The following PIEZO1 variants were observed in gnomAD, a reference collection of about 807,000 sequenced individuals.
PIEZO1 encodes piezo type mechanosensitive ion channel component 1 (Er blood group).
PIEZO1 carries 296 observed loss-of-function variants against 297.2 expected under a neutral mutation model. The observed-to-expected ratio is 1.00, with a 90% CI of 0.91 to 1.10. PIEZO1 has a LOEUF of 1.10. PIEZO1 is among the 50% of genes least tolerant of loss of function. PIEZO1 has a pLI of 0.00. For missense variants in PIEZO1, 5,018 were observed against 3,455.5 expected (o/e 1.45, Z -11.34); for synonymous variants, 2,427 against 1,507.5 (o/e 1.61, Z -14.13).
chr16:88,741,325 G>A (rs559685926), intron 5 of PIEZO1, 153 bp downstream of exon 5: 3 of 677,898 alleles, frequency 4.4e-6, no homozygotes, highest in East Asian at 2.8e-5. Context: ...CTGGGCCCCG[G>A]GGTGGGATTT....
At chr16:88,739,457 G>A (rs940945155) in intron 5 of PIEZO1, 1 of 152,188 alleles carries the variant, frequency 6.6e-6, no homozygotes, top group African/African-American at 2.4e-5. Flanking sequence ...CACCGGCCCA[G>A]TGTCCCCATC....
intron 2 of PIEZO1, among the ~76,000 whole-genome samples, chr16:88,746,202 G>T (rs1233386244): frequency 6.6e-6 from 1 of 152,044 alleles, no homozygotes; most frequent in Non-Finnish European, 1.5e-5. Flanking sequence ...TGAGACAGAG[G>T]ATGGAGACTA....
intron 44 of PIEZO1, 152 bp downstream of exon 44, chr16:88,719,422 C>G (rs1438013669): frequency 1.5e-6 from 1 of 664,020 alleles, no homozygotes; most frequent in Non-Finnish European, 2.6e-6. Flanking sequence ...GCCTCGTGAT[C>G]AGCTAGTGGG....
At chr16:88,755,686 C>T (rs1464801991) in intron 1 of PIEZO1, among the ~76,000 whole-genome samples, 1 of 152,090 alleles carries the variant, frequency 6.6e-6, no homozygotes, top group Non-Finnish European at 1.5e-5. Context: ...CGCCTTTTCA[C>T]CGAACGGTGG....
chr16:88,747,893 G>A (rs901233837), intron 2 of PIEZO1, among the ~76,000 whole-genome samples: 3 of 152,188 alleles, frequency 2.0e-5, no homozygotes, highest in Admixed American at 1.3e-4. Context: ...GGAGGGAGGG[G>A]CCCCAAGCCC....
chr16:88,735,300 C>T, intron 12 of PIEZO1, 54 bp from the exon 13 acceptor site: 1 of 1,294,074 alleles, frequency 7.7e-7, no homozygotes, highest in Non-Finnish European at 1.1e-6. Context: ...ACCCCTCCCA[C>T]AGCCGGGGGA....
intron 1 of PIEZO1, among the ~76,000 whole-genome samples, chr16:88,776,577 G>A (rs1555513041): frequency 6.6e-6 from 1 of 152,174 alleles, no homozygotes; most frequent in Non-Finnish European, 1.5e-5. Context: ...AGGGGAGGAA[G>A]GGGAGAGGCT....
chr16:88,757,331 G>GCGGT (rs1369087134), intron 1 of PIEZO1, among the ~76,000 whole-genome samples: 3 of 117,318 alleles, frequency 2.6e-5, no homozygotes, highest in African/African-American at 1.3e-4. Flanking sequence ...GGGGGGTGGG[G>GCGGT]GGTAGTTACC....
At chr16:88,761,059 C>T (rs1321390611) in intron 1 of PIEZO1, among the ~76,000 whole-genome samples, 1 of 152,202 alleles carries the variant, frequency 6.6e-6, no homozygotes, top group African/African-American at 2.4e-5. Flanking sequence ...AGCCCGCAGC[C>T]CCTGGAGGGG....
At chr16:88,718,379 C>G (rs1486585424) in intron 44 of PIEZO1, 1 of 152,860 alleles carries the variant, frequency 6.5e-6, no homozygotes, top group East Asian at 1.9e-4. Context: ...CGTGCAGCCA[C>G]AGGACCAGGG....
intron 2 of PIEZO1, chr16:88,743,090 C>G (rs1458510159): frequency 2.2e-6 from 1 of 456,616 alleles, no homozygotes; most frequent in East Asian, 6.9e-5. Flanking sequence ...CAGGAAGCGG[C>G]AGCACCATCT....
At position 88,727,652 on chromosome 16, in the gene PIEZO1, C is replaced by T. The variant is rs1166021430; in HGVS notation, c.3206G>A (p.Trp1069Ter). ...MPPALCIDYPWRWSRAVPMNS... is the reference protein window; with the variant it reads ...MPPALCIDYP ...CATGGGGACGGCCCGGCTCCAGCGC[C>T]AGGGATAATCTGGGGGAAGGGGTGT... The change falls in exon 23 of 51, where the codon TGG becomes TAG. Residue 1069 changes from tryptophan (W) to a stop codon, truncating the protein, a stop_gained. Transcript: ENST00000301015. LOFTEE classifies it high-confidence loss of function. 5 of 1,464,626 alleles carry T rather than the reference C, an allele frequency of 3.4e-6. No homozygotes were observed. The Admixed American group carries it at 1.2e-4, about 35-fold the overall frequency. The allele number at this position is 1,464,626 out of a possible 1,614,324, so 90.7% of individuals were successfully genotyped here. A position where few individuals can be genotyped will look rare whatever the true frequency, so the allele number is the denominator to read the frequency against.
In PIEZO1 at chr16:88,738,722, C is replaced by T. The variant is rs537369862; in HGVS notation, c.480G>A (p.Arg160=). 4.6e-5 allele frequency: 70 copies of T among 1,531,542 alleles called. No homozygotes were observed. Among genetic ancestry groups the T allele is most frequent in the Non-Finnish European group, 5.7e-5 (65 of 1,143,546 alleles). 94.9% of individuals were successfully genotyped at this position (1,531,542 alleles called of 1,614,324 possible). A position where few individuals can be genotyped will look rare whatever the true frequency, so the allele number is the denominator to read the frequency against. ...PHPRELDDDE[R]DVDASPTAGL... is the part of the protein sequence containing the mutation. ...CTGCCGTCGGGCTGGCATCCACATC[C>T]CTCTCATCATCATCCTGCCAAGGTC... Residue 160 remains arginine, a synonymous_variant, in exon 6 of 51, where the codon AGG becomes AGA. Transcript: ENST00000301015.
At chr16:88,762,667 G>C (rs189501147) in intron 1 of PIEZO1, among the ~76,000 whole-genome samples, 2 of 152,328 alleles carry the variant, frequency 1.3e-5, no homozygotes, top group East Asian at 1.9e-4. Flanking sequence ...CAAGTGCTGT[G>C]TCGGCCCTGA....
At chr16:88,772,187 C>G (rs1907455759) in intron 1 of PIEZO1, among the ~76,000 whole-genome samples, 1 of 152,212 alleles carries the variant, frequency 6.6e-6, no homozygotes, top group Non-Finnish European at 1.5e-5. Flanking sequence ...AATGACCATC[C>G]CTGGTGCCAT....
At chr16:88,727,884 C>G (rs1597451549) in intron 22 of PIEZO1, 2 of 364,734 alleles carry the variant, frequency 5.5e-6, no homozygotes, top group East Asian at 8.2e-5. Context: ...AGGAACTGAG[C>G]AGGAGGCCAG....
intron 5 of PIEZO1, chr16:88,741,018 G>C (rs2142840951): frequency 6.5e-6 from 1 of 154,664 alleles, no homozygotes; most frequent in Middle Eastern, 3.4e-3. Flanking sequence ...TCCGAGGACA[G>C]AGGCCCTGCT....
intron 5 of PIEZO1, chr16:88,739,345 A>G (rs1338583746): frequency 1.3e-5 from 2 of 152,444 alleles, no homozygotes; most frequent in African/African-American, 4.8e-5. Context: ...GGACCTGACT[A>G]AAGATTTCCC....
At position 88,721,236 on chromosome 16, in the gene PIEZO1, C is replaced by G. The variant is rs943633234; in HGVS notation, c.5598G>C (p.Thr1866=). Residue 1866 remains threonine (T), a synonymous_variant, in exon 39 of 51, where the codon ACG becomes ACC. Transcript: ENST00000301015. ...TTCTAAAACGTAGACTGATGCGCCT[C>G]GTATCACGGGGCCTGAGCTCCACTT... The part of the protein sequence containing the change: ...EPQVELRPRD[T]RRISLRFRRR... 10 of 1,540,622 alleles carry G rather than the reference C, an allele frequency of 6.5e-6. No homozygotes were observed. In the Admixed American group the frequency reaches 1.4e-4, roughly 21 times the overall value.
Sources: gnomAD v4.1 joint callset for allele counts (sites outside exome capture counted in the v4.1 genomes callset) on GRCh38, gnomAD v4.1.1 for gene constraint, MANE v1.5 for transcripts, NCBI Gene and HGNC (gene_info 2026-07-23, HGNC 2026-07-21) for gene names.